Variants in LRP1B observed in about 807,000 individuals in gnomAD.
LRP1B encodes the protein low-density lipoprotein receptor-related protein 1B.
LRP1B carries 217 observed loss-of-function variants against 556.6 expected under a neutral mutation model. That is an observed-to-expected ratio of 0.39 (90% CI 0.35 to 0.44). LRP1B has a LOEUF of 0.44. Ranked by LOEUF, LRP1B falls within the 20% of genes least tolerant of loss-of-function variation. LRP1B has a pLI of 1.00. For synonymous variants in LRP1B, 2,047 were observed against 1,865.8 expected (o/e 1.10, Z -2.50); for missense variants, 5,053 against 5,620.8 (o/e 0.90, Z 3.23).
At chr2:141,258,185 A>C (rs962042396) in intron 3 of LRP1B, among the ~76,000 whole-genome samples, 6 of 152,178 alleles carry the variant, frequency 3.9e-5, no homozygotes, top group Non-Finnish European at 8.8e-5. Flanking sequence ...TATCCTTTTG[A>C]TTAGAAGAGA....
intron 27 of LRP1B, among the ~76,000 whole-genome samples, chr2:140,856,346 C>A (rs1005565231): frequency 7.2e-5 from 11 of 152,188 alleles, no homozygotes; most frequent in Admixed American, 5.9e-4. Context: ...TGATTTCTTT[C>A]ATCACGAAAT....
At chr2:140,686,431 G>A (rs1432330743) in intron 41 of LRP1B, among the ~76,000 whole-genome samples, 2 of 151,992 alleles carry the variant, frequency 1.3e-5, no homozygotes. Context: ...AGATTGATAA[G>A]AAAAGTAGTT....
intron 86 of LRP1B, among the ~76,000 whole-genome samples, chr2:140,258,511 G>A (rs1328752151): frequency 1.3e-5 from 2 of 152,020 alleles, no homozygotes; most frequent in Non-Finnish European, 2.9e-5. Flanking sequence ...TCAATAACAA[G>A]CACTTTTTAA....
At chr2:141,727,813 C>G (rs73963558) in intron 2 of LRP1B, among the ~76,000 whole-genome samples, 1 of 151,550 alleles carries the variant, frequency 6.6e-6, no homozygotes, top group African/African-American at 2.4e-5. Flanking sequence ...ATCAATCTCT[C>G]TATATATATA....
intron 32 of LRP1B, among the ~76,000 whole-genome samples, chr2:140,802,697 A>AT (rs980388692): frequency 9.9e-5 from 15 of 152,122 alleles, no homozygotes; most frequent in East Asian, 1.9e-4. Flanking sequence ...AATTGAATTG[A>AT]TTTTTTTTAT....
chr2:142,097,237 A>T (rs1706407830), intron 1 of LRP1B, among the ~76,000 whole-genome samples: 1 of 151,702 alleles, frequency 6.6e-6, no homozygotes, highest in African/African-American at 2.4e-5. Context: ...ATATGGTGAA[A>T]ACAATAATCG....
chr2:141,260,724 T>A (rs1684651946), intron 3 of LRP1B, among the ~76,000 whole-genome samples: 2 of 152,348 alleles, frequency 1.3e-5, no homozygotes, highest in African/African-American at 2.4e-5. Flanking sequence ...AGTGAGAACA[T>A]GGCTGAGCTA....
At chr2:141,131,185 GT>G (rs764187733) in intron 7 of LRP1B, among the ~76,000 whole-genome samples, 5,175 of 151,956 alleles carry the variant, frequency 0.034, 32 homozygotes, top group East Asian at 0.15. Flanking sequence ...TTACAGTGGT[GT>G]AACCTATTTT....
chr2:140,287,383 T>C (rs55945474), intron 84 of LRP1B, among the ~76,000 whole-genome samples: 1 of 151,316 alleles, frequency 6.6e-6, no homozygotes, highest in South Asian at 2.1e-4. Flanking sequence ...TTAATTCTTG[T>C]CCTGAGATGT....
At chr2:141,949,782 T>G (rs911537757) in intron 1 of LRP1B, among the ~76,000 whole-genome samples, 1 of 152,198 alleles carries the variant, frequency 6.6e-6, no homozygotes, top group African/African-American at 2.4e-5. Context: ...AACAAACAAA[T>G]GGATATCTCC....
chr2:140,744,211 C>G (rs1049180801), intron 35 of LRP1B, among the ~76,000 whole-genome samples: 1 of 151,616 alleles, frequency 6.6e-6, no homozygotes, highest in Non-Finnish European at 1.5e-5. Flanking sequence ...TATACATATA[C>G]CATTGCATTG....
chr2:141,183,865 A>G (rs1213624597), intron 7 of LRP1B, among the ~76,000 whole-genome samples: 1 of 152,082 alleles, frequency 6.6e-6, no homozygotes, highest in Non-Finnish European at 1.5e-5. Context: ...CTTGACTAAA[A>G]TATCTATTTA....
chr2:140,939,041 A>G (rs1303694380), intron 20 of LRP1B, among the ~76,000 whole-genome samples: 1 of 152,038 alleles, frequency 6.6e-6, no homozygotes, highest in African/African-American at 2.4e-5. Context: ...AACTCGATTG[A>G]TATGATTAGT....
chr2:140,971,799 G>A (rs181736317), intron 18 of LRP1B, among the ~76,000 whole-genome samples: 5 of 152,258 alleles, frequency 3.3e-5, no homozygotes, highest in South Asian at 2.1e-4. Context: ...GCGCCACTGC[G>A]CTCTAGCCTG....
intron 21 of LRP1B, among the ~76,000 whole-genome samples, chr2:140,909,886 A>C (rs1391518741): frequency 6.6e-6 from 1 of 151,156 alleles, no homozygotes; most frequent in East Asian, 2.0e-4. Flanking sequence ...TTTGGGTTAA[A>C]ATGTACAAGA....
At chr2:141,134,032 T>C (rs918319259) in intron 7 of LRP1B, among the ~76,000 whole-genome samples, 17 of 151,894 alleles carry the variant, frequency 1.1e-4, no homozygotes, top group African/African-American at 4.1e-4. Flanking sequence ...TACTCTTTTA[T>C]TTCCTTTCTC....
intron 2 of LRP1B, among the ~76,000 whole-genome samples, chr2:141,578,144 C>T (rs916226140): frequency 5.3e-5 from 8 of 152,094 alleles, no homozygotes; most frequent in African/African-American, 7.2e-5. Flanking sequence ...GCCTGTAATC[C>T]GAGCACTTTG....
chr2:140,536,053 G>T (rs1280852761), intron 46 of LRP1B, among the ~76,000 whole-genome samples: 1 of 151,974 alleles, frequency 6.6e-6, no homozygotes, highest in African/African-American at 2.4e-5. Flanking sequence ...CAAAAATCAC[G>T]ATGTTTCTGA....
At chr2:141,631,019 T>C (rs953587675) in intron 2 of LRP1B, among the ~76,000 whole-genome samples, 2 of 152,184 alleles carry the variant, frequency 1.3e-5, no homozygotes, top group Admixed American at 1.3e-4. Flanking sequence ...TATAAACGAC[T>C]GCCTGAGACT....
Sources: allele counts gnomAD v4.1 joint callset (sites outside exome capture counted in the v4.1 genomes callset), GRCh38; gene constraint gnomAD v4.1.1; transcripts MANE v1.5; gene names NCBI Gene and HGNC (gene_info 2026-07-23, HGNC 2026-07-21).